Variants in INTU observed in about 807,000 individuals in gnomAD.
The protein encoded by INTU is inturned planar cell polarity protein.
In INTU, 68 loss-of-function variants were observed where a neutral mutation model predicts 100.5. The ratio of observed to expected loss-of-function variants is 0.68; its 90% CI spans 0.56 to 0.83. The LOEUF (loss-of-function observed/expected upper bound fraction) is 0.83. Ranked by LOEUF, INTU falls within the 40% of genes least tolerant of loss-of-function variation. The pLI is 0.00. For missense variants in INTU, 1,071 were observed against 1,114.7 expected (o/e 0.96, Z 0.56); for synonymous variants, 357 against 395.7 (o/e 0.90, Z 1.16).
In INTU at chr4:127,714,191, T is replaced by C. The variant is rs920540501; in HGVS notation, c.2717+98T>C. The C allele has an allele frequency of 1.1e-5, 10 of 874,252 alleles. No individual in the cohort carries two copies. The African/African-American group carries it at 1.7e-4, about 15-fold the overall frequency. The allele number at this position is 874,252 out of a possible 1,614,324, so 54.2% of individuals were successfully genotyped here. On this transcript the variant is annotated intron_variant, in intron 15 of 15. Coordinates refer to ENST00000335251, the MANE Select transcript of INTU (RefSeq NM_015693.4). The stretch of plus-strand genomic sequence containing the variant: ...ATTTTAAAATGTAAGCATGGAATTT[T>C]TTATCTAGCTATACTATTTTAATAT...
At position 127,656,326 on chromosome 4, in the gene INTU, C is replaced by T. The variant is rs1355007636; in HGVS notation, c.683-310C>T. ...ATTTGGTTCATGCTAACAAATTTTC[C>T]ATTTGTTCTTTGGGTTTACATAATT... On this transcript the variant is annotated intron_variant, in intron 2 of 15. Coordinates refer to ENST00000335251, the MANE Select transcript of INTU (RefSeq NM_015693.4). Among the ~76,000 whole-genome samples the T allele has an allele frequency of 2.0e-5, 3 of 152,266 alleles. No homozygotes were observed. The East Asian group carries it at 5.8e-4, about 29-fold the overall frequency.
chr4:127,657,391 G>A (rs1728280406), intron 3 of INTU, among the ~76,000 whole-genome samples: 1 of 152,024 alleles, frequency 6.6e-6, no homozygotes, highest in African/African-American at 2.4e-5. Context: ...ATAGCATCAG[G>A]AATTAGCATT....
At chr4:127,636,732 C>T (rs572607835) in intron 1 of INTU, among the ~76,000 whole-genome samples, 1 of 152,050 alleles carries the variant, frequency 6.6e-6, no homozygotes, top group Admixed American at 6.5e-5. Flanking sequence ...TGTAGAAATG[C>T]TGACTTTCCT....
chr4:127,706,812 G>A lies in INTU; in HGVS notation c.2114G>A (p.Arg705His), dbSNP rs78533412. The A allele has an allele frequency of 8.5e-4, 1,364 of 1,614,054 alleles. 13 individuals carry two copies. The African/African-American group carries it at 0.015, about 18-fold the overall frequency. The change falls in exon 12 of 16, where the codon CGC becomes CAC. Residue 705 changes from arginine to histidine, a missense_variant. Physicochemically the swap from Arg to His is conservative, Grantham distance 29. Transcript: ENST00000335251. ...TTTGGTGACTATTCCTTAAAGACACGCAAGCCTAGTCCTTCCTGTAGTAGT... is the reference window on the plus strand; with the variant it reads ...TTTGGTGACTATTCCTTAAAGACACACAAGCCTAGTCCTTCCTGTAGTAGT... The part of the protein sequence containing the change: ...TLFGDYSLKT[R>H]KPSPSCSSGG...
At chr4:127,661,802 C>A (rs1174125689) in intron 3 of INTU, among the ~76,000 whole-genome samples, 2 of 152,086 alleles carry the variant, frequency 1.3e-5, no homozygotes, top group Non-Finnish European at 2.9e-5. Flanking sequence ...GGGTAGATAC[C>A]CAGTAGAGGG....
In INTU at chr4:127,684,421, T is replaced by A; in HGVS notation, c.1194T>A (p.Pro398=). 2 of 1,598,340 alleles carry A rather than the reference T, an allele frequency of 1.3e-6. No individual in the cohort carries two copies. The highest frequency in any genetic ancestry group is 4.5e-5 in the East Asian group (2 of 44,574). The change falls in exon 7 of 16, where the codon CCT becomes CCA. Residue 398 remains proline (P), a synonymous_variant. Coordinates refer to ENST00000335251, the MANE Select transcript of INTU (RefSeq NM_015693.4). ...IGLPAEEVPL[P]RLRNMIENVI... Reference sequence around the variant, plus strand: ...TTTGCTTTTTTAGAGTTCCTCTTCCTCGTCTAAGGAACATGATAGAAAATG... The same window carrying A: ...TTTGCTTTTTTAGAGTTCCTCTTCCACGTCTAAGGAACATGATAGAAAATG...
chr4:127,685,958 C>T (rs909448343), intron 7 of INTU: 4 of 152,132 alleles, frequency 2.6e-5, no homozygotes, highest in African/African-American at 9.7e-5. Context: ...AAAGAGCAAA[C>T]TACGATAATA....
At chr4:127,682,762 A>C (rs1560860329) in intron 6 of INTU, among the ~76,000 whole-genome samples, 1 of 151,894 alleles carries the variant, frequency 6.6e-6, no homozygotes, top group African/African-American at 2.4e-5. Context: ...TAAAATAAAA[A>C]ATAAAAATAA....
intron 13 of INTU, among the ~76,000 whole-genome samples, 198 bp downstream of exon 13, chr4:127,708,866 A>C (rs1475738863): frequency 6.6e-6 from 1 of 152,224 alleles, no homozygotes; most frequent in Non-Finnish European, 1.5e-5. Flanking sequence ...AAAGAGAAAA[A>C]CACACAAAGT....
intron 13 of INTU, 139 bp downstream of exon 13, chr4:127,708,807 C>G: frequency 1.9e-6 from 1 of 518,604 alleles, no homozygotes; most frequent in Non-Finnish European, 3.5e-6. Flanking sequence ...TGTGGTATTT[C>G]TTTAATATTT....
intron 2 of INTU, among the ~76,000 whole-genome samples, chr4:127,651,139 T>A (rs566187313): frequency 2.6e-5 from 4 of 152,160 alleles, no homozygotes; most frequent in South Asian, 4.2e-4. Flanking sequence ...GATGAGTAGG[T>A]TGCAAAAATT....
At chr4:127,666,031 C>T (rs1181434108) in intron 4 of INTU, among the ~76,000 whole-genome samples, 1 of 152,142 alleles carries the variant, frequency 6.6e-6, no homozygotes, top group Non-Finnish European at 1.5e-5. Flanking sequence ...GTCAGTCTAT[C>T]ATTCCTTTGT....
Position 127,644,032 on chromosome 4 carries a change from A to G in INTU, c.658A>G (p.Met220Val), listed in dbSNP as rs747059059. Residue 220 changes from methionine to valine, a missense_variant, in exon 2 of 16, where the codon ATG (methionine) becomes GTG (valine). Transcript: ENST00000335251. ...VHGLLPGGSA[M>V]KSGQVLIGDV... ...TGGCCTGCTGCCAGGGGGATCTGCT[A>G]TGAAGAGCGGTCAGGTACTCATTGG... The G allele has an allele frequency of 4.3e-6, 7 of 1,613,866 alleles. No individual in the cohort carries two copies. Among genetic ancestry groups the G allele is most frequent in the Non-Finnish European group, 5.9e-6 (7 of 1,179,886 alleles).
Position 127,669,062 on chromosome 4 carries a change from G to A in INTU, c.999G>A (p.Met333Ile). 1 of 1,525,274 alleles carries A rather than the reference G, an allele frequency of 6.6e-7. No homozygotes were observed. The highest frequency in any genetic ancestry group is 8.9e-7 in the Non-Finnish European group (1 of 1,120,504). 94.5% of individuals were successfully genotyped at this position (1,525,274 alleles called of 1,614,324 possible). ...AGGAAATTCTTTATCATTATCCAATGTCTGAAGCATCTCAGAAACTTAAAA... is the reference window on the plus strand; with the variant it reads ...AGGAAATTCTTTATCATTATCCAATATCTGAAGCATCTCAGAAACTTAAAA... Reference protein sequence around the residue: ...EEQEILYHYPMSEASQKLKSV... With the variant: ...EEQEILYHYPISEASQKLKSV... Residue 333 changes from methionine (M) to isoleucine (I), a missense_variant, in exon 5 of 16, where the codon ATG becomes ATA. By Grantham distance (10) the Met-to-Ile change is conservative. Coordinates refer to ENST00000335251, the MANE Select transcript of INTU (RefSeq NM_015693.4).
At chr4:127,708,344 C>G (rs994483140) in intron 12 of INTU, among the ~76,000 whole-genome samples, 2 of 152,112 alleles carry the variant, frequency 1.3e-5, no homozygotes, top group Non-Finnish European at 2.9e-5. Context: ...GGTAATGGCT[C>G]TGGTAGGAGG....
At chr4:127,658,922 A>T (rs1418394016) in intron 3 of INTU, among the ~76,000 whole-genome samples, 3 of 152,232 alleles carry the variant, frequency 2.0e-5, no homozygotes, top group East Asian at 3.9e-4. Flanking sequence ...CTGAGCTTGT[A>T]TTCCTGCAAC....
In INTU at chr4:127,725,467, A is replaced by G. The variant is rs942462406; in HGVS notation, c.*9031A>G. On this transcript the variant is annotated 3_prime_UTR_variant, in exon 16 of 16. Coordinates refer to ENST00000335251, the MANE Select transcript of INTU (RefSeq NM_015693.4). ...TATTAAATGTCTTAAATTTCTGGAT[A>G]TGTCCCTGAAAATACCATGAACTAC... 4.6e-5 allele frequency: 7 copies of G among 152,190 alleles called. No individual in the cohort carries two copies. Among genetic ancestry groups the G allele is most frequent in the African/African-American group, 1.7e-4 (7 of 41,442 alleles). 9.4% of individuals were successfully genotyped at this position (152,190 alleles called of 1,614,324 possible).
chr4:127,664,953 C>G (rs1728629765), intron 4 of INTU, among the ~76,000 whole-genome samples: 1 of 151,636 alleles, frequency 6.6e-6, no homozygotes, highest in African/African-American at 2.4e-5. Context: ...TATCATTATT[C>G]TTGCTATATA....
At chr4:127,661,593 G>A (rs1001833114) in intron 3 of INTU, among the ~76,000 whole-genome samples, 76 of 151,912 alleles carry the variant, frequency 5.0e-4, no homozygotes, top group Admixed American at 3.9e-3. Context: ...CTTCTGTACC[G>A]CTCACACATC....
Sources: allele counts gnomAD v4.1 joint callset (sites outside exome capture counted in the v4.1 genomes callset), GRCh38; gene constraint gnomAD v4.1.1; transcripts MANE v1.5; gene names NCBI Gene and HGNC (gene_info 2026-07-23, HGNC 2026-07-21).